PIK3C2B: variants seen among roughly 807,000 people sequenced by gnomAD.
The protein encoded by PIK3C2B is phosphatidylinositol-4-phosphate 3-kinase catalytic subunit type 2 beta, also known as phosphatidylinositol 4-phosphate 3-kinase C2 domain-containing subunit beta.
Under a neutral mutation model 184.3 loss-of-function variants are expected in PIK3C2B, and 83 were observed. The ratio of observed to expected loss-of-function variants is 0.45; its 90% CI spans 0.38 to 0.54. The LOEUF (loss-of-function observed/expected upper bound fraction) is 0.54. PIK3C2B is among the 20% of genes least tolerant of loss of function. PIK3C2B has a pLI of 0.00. For missense variants in PIK3C2B, 1,736 were observed against 2,113.5 expected (o/e 0.82, Z 3.50); for synonymous variants, 779 against 837.6 (o/e 0.93, Z 1.21).
In PIK3C2B at chr1:204,469,816, G is replaced by T; in HGVS notation, c.-14C>A. ...AGTCGAAGACATGGTGAGGATGGGG[G>T]ACACAGGCAACAAAGTCTCTACTTC... On this transcript the variant is annotated 5_prime_UTR_variant, in exon 2 of 33. Coordinates refer to ENST00000684373, the MANE Select transcript of PIK3C2B (RefSeq NM_001377334.1). 6.3e-7 allele frequency: 1 copy of T among 1,586,102 alleles called. No homozygotes were observed. Among genetic ancestry groups the T allele is most frequent in the Non-Finnish European group, 8.7e-7 (1 of 1,154,860 alleles).
chr1:204,425,045 A>C lies in PIK3C2B; in HGVS notation c.4717-5T>G. 1 of 1,611,388 alleles carries C rather than the reference A, an allele frequency of 6.2e-7. No homozygotes were observed. Among genetic ancestry groups the C allele is most frequent in the Non-Finnish European group, 8.5e-7 (1 of 1,178,014 alleles). ...GGGGATCCCATCATATACCAACTGCAAACATAGAGATGGGTGAGGGAAGTG... is the reference window on the plus strand; with the variant it reads ...GGGGATCCCATCATATACCAACTGCCAACATAGAGATGGGTGAGGGAAGTG... On this transcript the variant is annotated splice_polypyrimidine_tract_variant and splice_region_variant and intron_variant, in intron 32 of 32. Coordinates refer to ENST00000684373, the MANE Select transcript of PIK3C2B (RefSeq NM_001377334.1).
chr1:204,440,785 A>ATATG lies in PIK3C2B; in HGVS notation c.3250-465_3250-464insCATA, dbSNP rs1216913366. Among the ~76,000 whole-genome samples, 3 of 146,794 alleles carry ATATG rather than the reference A, an allele frequency of 2.0e-5. No homozygotes were observed. The East Asian group carries it at 5.9e-4, about 29-fold the overall frequency. Reference sequence around the variant, plus strand: ...CTAATTTATATATATATATATATATATATTTTTAGTAGAGATGGGGTCTCA... The same window carrying ATATG: ...CTAATTTATATATATATATATATATATATGTATTTTTAGTAGAGATGGGGTCTCA... On this transcript the variant is annotated intron_variant, in intron 21 of 32. Transcript: ENST00000684373.
At chr1:204,467,377 G>C (rs188581387) in intron 2 of PIK3C2B, 1 of 160,538 alleles carries the variant, frequency 6.2e-6, no homozygotes, top group Admixed American at 5.9e-5. Flanking sequence ...TCTGCTTTTG[G>C]GGGGACTCTC....
intron 1 of PIK3C2B, chr1:204,489,943 G>A (rs1445388566): frequency 2.5e-6 from 1 of 395,768 alleles, no homozygotes; most frequent in Non-Finnish European, 4.4e-6. Context: ...TAGTATGAGA[G>A]AAAGAGAGAA....
chr1:204,447,515 G>C lies in PIK3C2B; in HGVS notation c.2410C>G (p.Pro804Ala). 1.2e-6 allele frequency: 2 copies of C among 1,612,230 alleles called. No individual in the cohort carries two copies. The highest frequency in any genetic ancestry group is 1.7e-6 in the Non-Finnish European group (2 of 1,178,614). ...CGGAGGCTGCCAAACTCATAGCGGG[G>C]GCTGAACTTGTCTCCAGGGGGGCTG... The part of the protein sequence containing the change: ...FTSPPGDKFS[P>A]RYEFGSLREE... The change falls in exon 15 of 33, where the codon CCC (proline) becomes GCC (alanine). Residue 804 changes from proline (P) to alanine (A), a missense_variant. Transcript: ENST00000684373. The surrounding 1 kb of genome is among the most constrained non-coding windows in gnomAD (Gnocchi z 4.1).
At chr1:204,460,444 TATCTC>T (rs1558261525) in intron 6 of PIK3C2B, 41 bp from the exon 7 acceptor site, 1 of 1,569,558 alleles carries the variant, frequency 6.4e-7, no homozygotes, top group Admixed American at 1.7e-5. Context: ...GCGGTGCCCT[TATCTC>T]AGCTCAGCAC....
Position 204,469,371 on chromosome 1 carries a change from T to C in PIK3C2B, c.432A>G (p.Pro144=), listed in dbSNP as rs149114961. 9 of 1,530,382 alleles carry C rather than the reference T, an allele frequency of 5.9e-6. No individual in the cohort carries two copies. Among genetic ancestry groups the C allele is most frequent in the Non-Finnish European group, 7.0e-6 (8 of 1,142,342 alleles). 94.8% of individuals were successfully genotyped at this position (1,530,382 alleles called of 1,614,324 possible). Residue 144 remains proline, a synonymous_variant, in exon 2 of 33, where the codon CCA becomes CCG. Transcript: ENST00000684373. The part of the protein sequence containing the change: ...SDGGVSSSPG[P]GDIEGSCKKL... ...TCTTGCAAGAGCCCTCTATGTCCCC[T>C]GGTCCTGGGGACGAAGAGACTCCCC...
At chr1:204,439,100 C>T in intron 22 of PIK3C2B, 29 bp from the exon 23 acceptor site, 6 of 1,609,546 alleles carry the variant, frequency 3.7e-6, no homozygotes, top group Non-Finnish European at 5.1e-6. Flanking sequence ...GGGTCACGTT[C>T]CAGACCAGAA....
intron 2 of PIK3C2B, among the ~76,000 whole-genome samples, chr1:204,465,623 G>A (rs1036688171): frequency 3.3e-5 from 5 of 150,494 alleles, no homozygotes; most frequent in African/African-American, 1.2e-4. Context: ...ATCCAGTGCT[G>A]TTGGGCCTCT....
intron 5 of PIK3C2B, among the ~76,000 whole-genome samples, chr1:204,462,357 CTGG>C (rs56159948): frequency 0.18 from 27,037 of 152,104 alleles, 2,769 homozygotes; most frequent in East Asian, 0.47. Flanking sequence ...TCCTTCCCTG[CTGG>C]TATTTACTGA....
chr1:204,481,958 C>T (rs10900590), intron 1 of PIK3C2B, among the ~76,000 whole-genome samples: 95,778 of 152,074 alleles, frequency 0.63, 31,856 homozygotes, highest in Non-Finnish European at 0.72. Context: ...CTGATACTCA[C>T]TTACACAGGG....
chr1:204,493,767 G>A (rs1658171582), intron 1 of PIK3C2B, among the ~76,000 whole-genome samples: 1 of 152,188 alleles, frequency 6.6e-6, no homozygotes, highest in Non-Finnish European at 1.5e-5. Context: ...TATAGGCCAG[G>A]AGAGCAGCGC....
At chr1:204,443,393 T>A in intron 19 of PIK3C2B, 24 bp downstream of exon 19, 1 of 1,601,492 alleles carries the variant, frequency 6.2e-7, no homozygotes, top group Non-Finnish European at 8.5e-7. Context: ...GAGAAATGGG[T>A]AGGGGCAGCC....
chr1:204,439,926 C>T (rs1047828807), intron 22 of PIK3C2B, among the ~76,000 whole-genome samples: 1 of 152,124 alleles, frequency 6.6e-6, no homozygotes, highest in African/African-American at 2.4e-5. Context: ...GCATGTCTGG[C>T]CCAAAAAATA....
rs2103459210 is a variant in PIK3C2B, at chr1:204,423,775, T to TG, written c.*1076dup. 6.6e-6 allele frequency: 1 copy of TG among 152,216 alleles called. No individual in the cohort carries two copies. Among genetic ancestry groups the TG allele is most frequent in the Admixed American group, 6.6e-5 (1 of 15,244 alleles). 9.4% of individuals were successfully genotyped at this position (152,216 alleles called of 1,614,324 possible). A position where few individuals can be genotyped will look rare whatever the true frequency, so the allele number is the denominator to read the frequency against. ...AGGGAAGCAGCACAGCAGAAAGAAG[T>TG]GGGGAGTGATGGATGGGGAATGCTT... On this transcript the variant is annotated 3_prime_UTR_variant, in exon 33 of 33. Transcript: ENST00000684373.
Position 204,438,918 on chromosome 1 carries a change from C to T in PIK3C2B, c.3516+17G>A, listed in dbSNP as rs1300133103. 2 of 1,611,352 alleles carry T rather than the reference C, an allele frequency of 1.2e-6. No individual in the cohort carries two copies. Among genetic ancestry groups the T allele is most frequent in the South Asian group, 2.2e-5 (2 of 91,020 alleles). On this transcript the variant is annotated intron_variant, in intron 23 of 32. Transcript: ENST00000684373. ...GCACACACACACACCAGACGCACTC[C>T]CCACCCACAACCCTACCTTCTCATA...
intron 29 of PIK3C2B, among the ~76,000 whole-genome samples, 165 bp from the exon 30 acceptor site, chr1:204,428,385 T>A (rs1674863174): frequency 6.6e-6 from 1 of 152,160 alleles, no homozygotes; most frequent in Non-Finnish European, 1.5e-5. Context: ...AAAAGGAATT[T>A]GGGGGATGAT....
chr1:204,481,871 G>T (rs867607459), intron 1 of PIK3C2B, among the ~76,000 whole-genome samples: 1 of 152,196 alleles, frequency 6.6e-6, no homozygotes, highest in Non-Finnish European at 1.5e-5. Context: ...GGTAGGAAAG[G>T]AAAGGGACAC....
At chr1:204,431,183 T>C (rs1328803827) in intron 28 of PIK3C2B, among the ~76,000 whole-genome samples, 2 of 152,218 alleles carry the variant, frequency 1.3e-5, no homozygotes, top group African/African-American at 4.8e-5. Flanking sequence ...CTTTCTACTT[T>C]CTGCCTCTAG....
Sources: allele counts gnomAD v4.1 joint callset (sites outside exome capture counted in the v4.1 genomes callset), GRCh38; gene constraint gnomAD v4.1.1; non-coding constraint Gnocchi (gnomAD v3.1); transcripts MANE v1.5; gene names NCBI Gene and HGNC (gene_info 2026-07-23, HGNC 2026-07-21).